Variants in RBPJ observed in about 807,000 individuals in gnomAD.
The protein encoded by RBPJ is recombining binding protein suppressor of hairless.
Under a neutral mutation model 67.8 loss-of-function variants are expected in RBPJ, and 9 were observed. The observed-to-expected ratio is 0.13, with a 90% CI of 0.08 to 0.23. The LOEUF (loss-of-function observed/expected upper bound fraction) is 0.23, where lower values mean the gene tolerates loss of function less well. Among genes scored for constraint, RBPJ ranks in the 10% least tolerant of loss-of-function variants. RBPJ has a pLI of 1.00. For synonymous variants in RBPJ, 198 were observed against 203.3 expected (o/e 0.97, Z 0.22); for missense variants, 305 against 595.6 (o/e 0.51, Z 5.08).
chr4:26,358,610 CAAAA>C (rs771623602), intron 1 of RBPJ, among the ~76,000 whole-genome samples: 9 of 43,118 alleles, frequency 2.1e-4, no homozygotes, highest in African/African-American at 2.4e-4. Flanking sequence ...CCCATCTCTG[CAAAA>C]AAAAAAAAAA....
In RBPJ at chr4:26,263,630, G is replaced by A. The variant is rs964207890; in HGVS notation, c.-166-98816G>A. The stretch of plus-strand genomic sequence containing the variant: ...TCTGTCACACAGGCTGGAATGCAAC[G>A]GCCCGATCTCTGCTCACTGCAACCT... On this transcript the variant is annotated intron_variant, in intron 1 of 4. Transcript: ENST00000512351. 2.0e-5 allele frequency among the ~76,000 whole-genome samples: 3 copies of A among 151,788 alleles called. No homozygotes were observed. In the East Asian group the frequency reaches 5.8e-4, roughly 29 times the overall value.
chr4:26,218,889 A>G (rs1261941730), intron 1 of RBPJ, among the ~76,000 whole-genome samples: 1 of 152,060 alleles, frequency 6.6e-6, no homozygotes, highest in African/African-American at 2.4e-5. Flanking sequence ...GGAGAAATTG[A>G]TTACCCTGCC....
chr4:26,338,095 G>T (rs2063446), intron 1 of RBPJ, among the ~76,000 whole-genome samples: 74,034 of 135,452 alleles, frequency 0.55, 19,141 homozygotes, highest in Middle Eastern at 0.6. Context: ...TTTTTTTGTT[G>T]TTTTTTTTTC....
chr4:26,358,370 CA>C (rs1335329474), intron 1 of RBPJ, among the ~76,000 whole-genome samples: 1 of 151,958 alleles, frequency 6.6e-6, no homozygotes, highest in East Asian at 1.9e-4. Flanking sequence ...GTAATAGGCA[CA>C]AAATTACGTG....
chr4:26,315,167 A>AAAAAAAATATAT (rs1325689348), upstream of RBPJ, among the ~76,000 whole-genome samples: 14 of 74,756 alleles, frequency 1.9e-4, no homozygotes, highest in African/African-American at 5.4e-4. Context: ...AAAAAAAAAA[A>AAAAAAAATATAT]ATATATATAT....
At chr4:26,284,732 C>T (rs959322669) in intron 1 of RBPJ, among the ~76,000 whole-genome samples, 3 of 152,116 alleles carry the variant, frequency 2.0e-5, no homozygotes, top group Admixed American at 6.6e-5. Context: ...TCCCAAAGTG[C>T]GGTGATTACA....
At chr4:26,338,977 G>A (rs753961539) in intron 1 of RBPJ, among the ~76,000 whole-genome samples, 99 of 151,604 alleles carry the variant, frequency 6.5e-4, no homozygotes, top group South Asian at 1.0e-3. Flanking sequence ...GCGCCACCAT[G>A]CCTGGCTAAT....
At chr4:26,387,502 A>G (rs1376532903) in intron 2 of RBPJ, among the ~76,000 whole-genome samples, 1 of 152,182 alleles carries the variant, frequency 6.6e-6, no homozygotes, top group Non-Finnish European at 1.5e-5. Context: ...TAGAAGGACA[A>G]AAACCTGGAC....
At chr4:26,399,651 T>C (rs1039845278) in intron 2 of RBPJ, among the ~76,000 whole-genome samples, 7 of 152,210 alleles carry the variant, frequency 4.6e-5, no homozygotes, top group African/African-American at 1.4e-4. Context: ...CATAATTTCA[T>C]GTTAGTAAAA....
intron 2 of RBPJ, among the ~76,000 whole-genome samples, chr4:26,402,296 G>A (rs1287920136): frequency 6.6e-6 from 1 of 152,146 alleles, no homozygotes; most frequent in Non-Finnish European, 1.5e-5. Context: ...CTGGTACCCA[G>A]CAGTTTGGTC....
rs77763426 is a variant in RBPJ at position 26,209,235 on chromosome 4, G to A, written c.-167+45621G>A. Among the ~76,000 whole-genome samples, 31 of 152,148 alleles carry A rather than the reference G, an allele frequency of 2.0e-4. No individual in the cohort carries two copies. The East Asian group carries it at 5.2e-3, about 26-fold the overall frequency. ...TGTTGATTCTATTAAGTTGGTATGG[G>A]TGGCTCTAAAACACGGCAGTTTCTT... On this transcript the variant is annotated intron_variant, in intron 1 of 4. Transcript: ENST00000512351.
chr4:26,187,097 C>T lies in RBPJ; in HGVS notation c.-167+23483C>T, dbSNP rs557084930. Among the ~76,000 whole-genome samples the T allele has an allele frequency of 3.9e-5, 6 of 152,270 alleles. No individual in the cohort carries two copies. The South Asian group carries it at 1.2e-3, about 32-fold the overall frequency. On this transcript the variant is annotated intron_variant, in intron 1 of 4. Coordinates refer to the RBPJ transcript ENST00000512351. Reference sequence around the variant, plus strand: ...ATTAGCTGGGTGTGGTGTTGCATACCTGTAGTCCCAGCTACTTAGGAGGCT... The same window carrying T: ...ATTAGCTGGGTGTGGTGTTGCATACTTGTAGTCCCAGCTACTTAGGAGGCT...
chr4:26,371,366 G>A (rs1729143824), intron 1 of RBPJ, among the ~76,000 whole-genome samples: 1 of 152,110 alleles, frequency 6.6e-6, no homozygotes, highest in Admixed American at 6.5e-5. Context: ...ACTCAATATT[G>A]TACACACATG....
At chr4:26,218,674 C>T (rs558237706) in intron 1 of RBPJ, among the ~76,000 whole-genome samples, 1 of 152,320 alleles carries the variant, frequency 6.6e-6, no homozygotes, top group South Asian at 2.1e-4. Flanking sequence ...GCCATACCCC[C>T]TCGGCCTCGC....
chr4:26,369,790 CT>C, intron 1 of RBPJ, among the ~76,000 whole-genome samples: 1 of 152,232 alleles, frequency 6.6e-6, no homozygotes, highest in African/African-American at 2.4e-5. Context: ...CTCAAACAAT[CT>C]TTTCTTTCTC....
At chr4:26,426,711 A>G (rs951079143) in intron 7 of RBPJ, among the ~76,000 whole-genome samples, 1 of 152,324 alleles carries the variant, frequency 6.6e-6, no homozygotes, top group East Asian at 1.9e-4. Flanking sequence ...GCAGTATTTG[A>G]AGAGAGCCCA....
At chr4:26,120,234 C>T in the RBPJ span, among the ~76,000 whole-genome samples, 1 of 152,208 alleles carries the variant, frequency 6.6e-6, no homozygotes, top group African/African-American at 2.4e-5. Flanking sequence ...AATAATAAAA[C>T]TTGTTGCTGA....
chr4:26,341,633 C>CAAAAAAAAAA (rs35755502), intron 1 of RBPJ, among the ~76,000 whole-genome samples: 1 of 144,358 alleles, frequency 6.9e-6, no homozygotes. Context: ...CAAAACAAAA[C>CAAAAAAAAAA]AAAAAAAAAC....
In RBPJ at chr4:26,384,233, A is replaced by C; in HGVS notation, c.21-2120A>C. On this transcript the variant is annotated intron_variant, in intron 1 of 10. Coordinates refer to ENST00000355476, the MANE Select transcript of RBPJ (RefSeq NM_015874.6). ...ACATCTTCTTTCAAAAACTTGGGTTATTTGCCCATTTTTTGTGCTATTTCA... is the reference window on the plus strand; with the variant it reads ...ACATCTTCTTTCAAAAACTTGGGTTCTTTGCCCATTTTTTGTGCTATTTCA... Among the ~76,000 whole-genome samples the C allele has an allele frequency of 1.3e-5, 2 of 152,294 alleles. 1 individual carries two copies. Among genetic ancestry groups the C allele is most frequent in the South Asian group, 4.1e-4 (2 of 4,822 alleles).
Sources: allele counts gnomAD v4.1 joint callset (sites outside exome capture counted in the v4.1 genomes callset), GRCh38; gene constraint gnomAD v4.1.1; transcripts MANE v1.5; gene names NCBI Gene and HGNC (gene_info 2026-07-23, HGNC 2026-07-21).